Variants in CTNND2 observed in about 807,000 individuals in gnomAD.
The protein encoded by CTNND2 is catenin delta 2, also known as catenin delta-2.
CTNND2 carries 22 observed loss-of-function variants against 144.4 expected under a neutral mutation model. The ratio of observed to expected loss-of-function variants is 0.15; its 90% confidence interval spans 0.11 to 0.22. The LOEUF (loss-of-function observed/expected upper bound fraction) is 0.22. Among genes scored for constraint, CTNND2 ranks in the 10% least tolerant of loss-of-function variants. CTNND2 has a pLI of 1.00. For missense variants in CTNND2, 1,353 were observed against 1,618.8 expected, an observed-to-expected ratio of 0.84 and a Z score of 2.82; for synonymous variants, 751 against 695.6, an observed-to-expected ratio of 1.08 and a Z score of -1.25.
intron 2 of CTNND2, among the ~76,000 whole-genome samples, chr5:11,691,058 G>A (rs1784886028): frequency 1.3e-5 from 2 of 152,074 alleles, no homozygotes; most frequent in South Asian, 2.1e-4. Context: ...ACAAAAAAAT[G>A]TGAATAATGC....
At chr5:11,282,398 T>C (rs75460186) in intron 9 of CTNND2, among the ~76,000 whole-genome samples, 6,186 of 152,266 alleles carry the variant, frequency 0.041, 188 homozygotes, top group African/African-American at 0.083. Context: ...TCTCCTAGCA[T>C]GCAGCATCAG....
chr5:11,165,520 C>A (rs1049243005), intron 11 of CTNND2, among the ~76,000 whole-genome samples: 1 of 152,126 alleles, frequency 6.6e-6, no homozygotes, highest in Non-Finnish European at 1.5e-5. Flanking sequence ...TGAAAATATG[C>A]TAATTCCTTC....
intron 3 of CTNND2, among the ~76,000 whole-genome samples, chr5:11,536,669 A>G (rs1445401363): frequency 6.6e-6 from 1 of 152,100 alleles, no homozygotes; most frequent in Non-Finnish European, 1.5e-5. Context: ...AGTTGGAGTT[A>G]AGCTATGAGG....
intron 3 of CTNND2, among the ~76,000 whole-genome samples, chr5:11,534,858 T>C (rs1774069413): frequency 6.6e-6 from 1 of 152,182 alleles, no homozygotes; most frequent in African/African-American, 2.4e-5. Context: ...CTAACTTTTG[T>C]TCTGAAGTGA....
rs138211184 is a variant in CTNND2 at position 11,890,495 on chromosome 5, G to A, written c.37+13322C>T. Among the ~76,000 whole-genome samples, 81 of 152,202 alleles carry A rather than the reference G, an allele frequency of 5.3e-4. No homozygotes were observed. The East Asian group carries it at 0.013, about 25-fold the overall frequency. ...TCACATCCCTTCAGATAGACTATCC[G>A]TCTTCTGTCTTGTCTTCTCATTTCA... is the stretch of plus-strand genomic sequence containing the variant. On this transcript the variant is annotated intron_variant, in intron 1 of 21. Transcript: ENST00000304623.
chr5:11,580,623 C>T (rs941084082), intron 2 of CTNND2, among the ~76,000 whole-genome samples: 1 of 152,132 alleles, frequency 6.6e-6, no homozygotes, highest in Non-Finnish European at 1.5e-5. Context: ...GTTCATCATC[C>T]TTCTCCTTCA....
At chr5:11,429,946 A>C (rs1219922936) in intron 3 of CTNND2, among the ~76,000 whole-genome samples, 5 of 152,080 alleles carry the variant, frequency 3.3e-5, no homozygotes. Flanking sequence ...GTTAATCTTC[A>C]TTTTCACTAC....
chr5:11,479,492 T>C (rs1220401933), intron 3 of CTNND2, among the ~76,000 whole-genome samples: 1 of 152,234 alleles, frequency 6.6e-6, no homozygotes. Context: ...TAGAACAATT[T>C]ATATTCCTTT....
At chr5:11,327,906 A>C (rs1752694743) in intron 9 of CTNND2, among the ~76,000 whole-genome samples, 1 of 152,204 alleles carries the variant, frequency 6.6e-6, no homozygotes, top group Middle Eastern at 3.2e-3. Context: ...AAAAGGTGTT[A>C]ACAAGTTTAA....
At chr5:11,477,804 G>T (rs1237748009) in intron 3 of CTNND2, among the ~76,000 whole-genome samples, 2 of 152,156 alleles carry the variant, frequency 1.3e-5, no homozygotes, top group Non-Finnish European at 2.9e-5. Context: ...TTTTCATGAG[G>T]TGATGGCATC....
chr5:11,797,294 T>C (rs1000284366), intron 1 of CTNND2, among the ~76,000 whole-genome samples: 54 of 152,182 alleles, frequency 3.5e-4, no homozygotes, highest in African/African-American at 1.3e-3. Context: ...ATTCCCGTCA[T>C]TGTCACAGCC....
At chr5:11,899,008 C>T (rs1029003789) in intron 1 of CTNND2, among the ~76,000 whole-genome samples, 4 of 152,240 alleles carry the variant, frequency 2.6e-5, no homozygotes, top group Admixed American at 6.5e-5. Flanking sequence ...GAGCTGGGCA[C>T]TTTTTTGTCT....
intron 9 of CTNND2, among the ~76,000 whole-genome samples, chr5:11,244,376 CCAAGTT>C (rs1185647064): frequency 6.6e-6 from 1 of 150,796 alleles, no homozygotes; most frequent in Non-Finnish European, 1.5e-5. Flanking sequence ...CCTCCACCTC[CCAAGTT>C]CAAGTGATTC....
At chr5:11,652,862 A>G (rs1266596370) in intron 2 of CTNND2, among the ~76,000 whole-genome samples, 1 of 152,064 alleles carries the variant, frequency 6.6e-6, no homozygotes, top group Non-Finnish European at 1.5e-5. Context: ...TCTTTGACCT[A>G]TATCTTCCCA....
chr5:11,608,069 T>C (rs998220126), intron 2 of CTNND2, among the ~76,000 whole-genome samples: 1 of 152,244 alleles, frequency 6.6e-6, no homozygotes, highest in South Asian at 2.1e-4. Context: ...ATACTGTCAA[T>C]TTTGACCCTC....
At chr5:11,158,658 T>C (rs61753307) in intron 12 of CTNND2, among the ~76,000 whole-genome samples, 4 of 152,170 alleles carry the variant, frequency 2.6e-5, no homozygotes, top group African/African-American at 7.2e-5. Context: ...GCCACTGAGG[T>C]GGATTTTGTT....
chr5:11,337,911 G>C (rs757528744), intron 9 of CTNND2, among the ~76,000 whole-genome samples: 3 of 152,092 alleles, frequency 2.0e-5, no homozygotes, highest in Non-Finnish European at 4.4e-5. Flanking sequence ...CTTCTCAGTT[G>C]CTTTAAATTA....
At chr5:11,773,185 A>C (rs1370679425) in intron 1 of CTNND2, among the ~76,000 whole-genome samples, 2 of 152,222 alleles carry the variant, frequency 1.3e-5, no homozygotes, top group Non-Finnish European at 2.9e-5. Context: ...GAAACAATGC[A>C]TCAACATATA....
chr5:11,017,382 C>T (rs1404246465), intron 18 of CTNND2, among the ~76,000 whole-genome samples: 1 of 151,850 alleles, frequency 6.6e-6, no homozygotes, highest in Non-Finnish European at 1.5e-5. Flanking sequence ...TGGTGATCCA[C>T]GTTTGTCACT....
Sources: allele counts gnomAD v4.1 joint callset (sites outside exome capture counted in the v4.1 genomes callset), GRCh38; gene constraint gnomAD v4.1.1; transcripts MANE v1.5; gene names NCBI Gene and HGNC (gene_info 2026-07-23, HGNC 2026-07-21).